RGS6: variants seen among roughly 807,000 people sequenced by gnomAD.
RGS6 encodes the protein regulator of G protein signaling 6, also known as regulator of G-protein signaling 6.
A neutral mutation model predicts 78.5 loss-of-function variants in RGS6; 30 were observed. The ratio of observed to expected loss-of-function variants is 0.38; its 90% CI spans 0.29 to 0.52. RGS6 has a LOEUF of 0.52. Ranked by LOEUF, RGS6 falls within the 20% of genes least tolerant of loss-of-function variation. The pLI, the probability that RGS6 is intolerant of heterozygous loss-of-function variation, is 0.85. For synonymous variants in RGS6, 206 were observed against 206.0 expected, an observed-to-expected ratio of 1.00 and a Z score of 0.00; for missense variants, 495 against 609.7, an observed-to-expected ratio of 0.81 and a Z score of 1.98.
chr14:72,230,593 G>C (rs561365724), intron 2 of RGS6, among the ~76,000 whole-genome samples: 29 of 152,290 alleles, frequency 1.9e-4, no homozygotes, highest in South Asian at 1.7e-3. Flanking sequence ...CACACACACA[G>C]AAATTTATTT....
In RGS6 at chr14:72,054,828, T is replaced by A. The variant is rs184670683; in HGVS notation, c.84+89953T>A. On this transcript the variant is annotated intron_variant, in intron 2 of 17. Transcript: ENST00000553525. Reference sequence around the variant, plus strand: ...ACATGTAGCCTTAAGCAATACATTGTTTCATTTTGCCTGGCTTTGAACTTT... The same window carrying A: ...ACATGTAGCCTTAAGCAATACATTGATTCATTTTGCCTGGCTTTGAACTTT... Among the ~76,000 whole-genome samples the A allele has an allele frequency of 2.6e-3, 389 of 152,256 alleles. 1 individual carries two copies. Among genetic ancestry groups the A allele is most frequent in the Admixed American group, 3.1e-3 (48 of 15,298 alleles).
intron 2 of RGS6, among the ~76,000 whole-genome samples, chr14:72,238,121 T>C (rs932024649): frequency 6.6e-6 from 1 of 152,176 alleles, no homozygotes. Context: ...CTCTGAAGCT[T>C]GGCCGTCTCT....
intron 3 of RGS6, among the ~76,000 whole-genome samples, chr14:72,406,738 A>G (rs1428101870): frequency 6.6e-6 from 1 of 152,220 alleles, no homozygotes; most frequent in Non-Finnish European, 1.5e-5. Flanking sequence ...TGTTCATCTT[A>G]GTATTTTGGG....
rs2096314808 is a variant in RGS6, at chr14:72,131,502, G to T, written c.84+166627G>T. Among the ~76,000 whole-genome samples, 2 of 152,116 alleles carry T rather than the reference G, an allele frequency of 1.3e-5. 1 individual carries two copies. The highest frequency in any genetic ancestry group is 6.3e-3 in the Middle Eastern group (2 of 316). On this transcript the variant is annotated intron_variant, in intron 2 of 17. Coordinates refer to ENST00000553525, the MANE Select transcript of RGS6 (RefSeq NM_001204424.2). ...ATATGAAATTCTGTATGTCCCTTTG[G>T]GTTCAACAGTAACCTTAATGGGATA...
chr14:72,485,768 G>T (rs756404906), intron 12 of RGS6, among the ~76,000 whole-genome samples: 21 of 152,186 alleles, frequency 1.4e-4, no homozygotes, highest in Non-Finnish European at 2.8e-4. Flanking sequence ...ATGCTACTGA[G>T]CTCAGGAAAA....
Position 71,992,321 on chromosome 14 carries a change from A to G in RGS6, c.84+27446A>G, listed in dbSNP as rs540229464. ...GTGTTGGGATTACAGGCGTGAGCCC[A>G]CACTCCACTAGAATATCATTTTTAA... On this transcript the variant is annotated intron_variant, in intron 2 of 17. Coordinates refer to ENST00000553525, the MANE Select transcript of RGS6 (RefSeq NM_001204424.2). Among the ~76,000 whole-genome samples, 3 of 152,298 alleles carry G rather than the reference A, an allele frequency of 2.0e-5. No individual in the cohort carries two copies. The East Asian group carries it at 5.8e-4, about 29-fold the overall frequency.
the RGS6 span, among the ~76,000 whole-genome samples, chr14:72,597,540 C>A: frequency 6.6e-6 from 1 of 152,178 alleles, no homozygotes; most frequent in African/African-American, 2.4e-5. Flanking sequence ...TTCATTCAAG[C>A]TGAATTAATA....
intron 2 of RGS6, among the ~76,000 whole-genome samples, chr14:72,258,668 T>C (rs1410731265): frequency 6.6e-6 from 1 of 152,360 alleles, no homozygotes; most frequent in Non-Finnish European, 1.5e-5. Context: ...GTTAATTTTC[T>C]AGAGCCTCTG....
chr14:72,387,891 G>C (rs1242495533), intron 3 of RGS6, among the ~76,000 whole-genome samples: 1 of 152,178 alleles, frequency 6.6e-6, no homozygotes, highest in Non-Finnish European at 1.5e-5. Flanking sequence ...TTGGCTTGTA[G>C]ATGGCCGCCT....
intron 3 of RGS6, among the ~76,000 whole-genome samples, chr14:72,423,112 G>C (rs1421697570): frequency 6.6e-6 from 1 of 152,220 alleles, no homozygotes; most frequent in Non-Finnish European, 1.5e-5. Flanking sequence ...AGGTAGTTTA[G>C]AAAAGGATTT....
chr14:72,397,191 A>G (rs931000400), intron 3 of RGS6, among the ~76,000 whole-genome samples: 1 of 152,138 alleles, frequency 6.6e-6, no homozygotes, highest in East Asian at 1.9e-4. Flanking sequence ...TTGAGCATGG[A>G]ATGTTCTTCC....
At chr14:72,181,407 C>T (rs1299804355) in intron 2 of RGS6, among the ~76,000 whole-genome samples, 1 of 152,202 alleles carries the variant, frequency 6.6e-6, no homozygotes, top group Non-Finnish European at 1.5e-5. Flanking sequence ...GCTGAGAGGA[C>T]ATTCATTTTT....
chr14:72,010,036 C>A (rs566425620), intron 2 of RGS6, among the ~76,000 whole-genome samples: 1 of 152,330 alleles, frequency 6.6e-6, no homozygotes, highest in East Asian at 1.9e-4. Context: ...CTGCCATCTT[C>A]CCTGTTGAAT....
chr14:72,265,698 A>G (rs572346577), intron 2 of RGS6, among the ~76,000 whole-genome samples: 3 of 152,136 alleles, frequency 2.0e-5, no homozygotes, highest in African/African-American at 7.2e-5. Context: ...TCTCCTTGTT[A>G]AGAGTCTCTT....
chr14:72,060,330 C>CT (rs2093828447), intron 2 of RGS6, among the ~76,000 whole-genome samples: 1 of 146,722 alleles, frequency 6.8e-6, no homozygotes, highest in Non-Finnish European at 1.5e-5. Context: ...TGCTTATAAT[C>CT]TTTTTTAATA....
intron 2 of RGS6, among the ~76,000 whole-genome samples, chr14:72,142,313 A>T (rs966169377): frequency 1.4e-5 from 2 of 142,350 alleles, no homozygotes; most frequent in South Asian, 2.2e-4. Flanking sequence ...TAAAGTGATT[A>T]AAAAAAAAAA....
intron 15 of RGS6, among the ~76,000 whole-genome samples, chr14:72,530,067 C>G (rs534432012): frequency 6.6e-6 from 1 of 152,304 alleles, no homozygotes; most frequent in East Asian, 1.9e-4. Context: ...CTTCATGAAC[C>G]AGGCTTTTCC....
chr14:71,990,034 C>T (rs865899210), intron 2 of RGS6, among the ~76,000 whole-genome samples: 10 of 152,038 alleles, frequency 6.6e-5, no homozygotes, highest in Non-Finnish European at 1.0e-4. Flanking sequence ...AGCATGGCAC[C>T]GGCATCAACA....
intron 2 of RGS6, among the ~76,000 whole-genome samples, chr14:72,135,303 C>T (rs970915055): frequency 9.2e-5 from 14 of 152,122 alleles, no homozygotes; most frequent in Admixed American, 5.2e-4. Context: ...TGAGGAACTC[C>T]CTGGACTGTG....
Sources: gnomAD v4.1 joint callset for allele counts (sites outside exome capture counted in the v4.1 genomes callset) on GRCh38, gnomAD v4.1.1 for gene constraint, MANE v1.5 for transcripts, NCBI Gene and HGNC (gene_info 2026-07-23, HGNC 2026-07-21) for gene names.